The following WDPCP variants were observed in gnomAD, a reference collection of about 807,000 sequenced individuals.
The protein encoded by WDPCP is WD repeat-containing and planar cell polarity effector protein fritz homolog.
WDPCP carries 71 observed loss-of-function variants against 93.1 expected under a neutral mutation model. The ratio of observed to expected loss-of-function variants is 0.76; its 90% CI spans 0.63 to 0.93. The LOEUF (loss-of-function observed/expected upper bound fraction) is 0.93, where lower values mean the gene tolerates loss of function less well. Ranked by LOEUF, WDPCP falls within the 40% of genes least tolerant of loss-of-function variation. WDPCP has a pLI of 0.00. For missense variants in WDPCP, 844 were observed against 887.4 expected, an observed-to-expected ratio of 0.95 and a Z score of 0.62; for synonymous variants, 315 against 315.0, an observed-to-expected ratio of 1.00 and a Z score of 0.00.
chr2:63,381,171 A>G (rs1019481964), intron 11 of WDPCP, among the ~76,000 whole-genome samples: 1 of 152,200 alleles, frequency 6.6e-6, no homozygotes, highest in Non-Finnish European at 1.5e-5. Flanking sequence ...TGCATTGTAC[A>G]TTAAGTAAAT....
At chr2:63,533,055 C>T (rs1194145895) in intron 1 of WDPCP, among the ~76,000 whole-genome samples, 1 of 152,124 alleles carries the variant, frequency 6.6e-6, no homozygotes, top group East Asian at 1.9e-4. Flanking sequence ...GCAGGGGTTG[C>T]AATCCTAGTC....
chr2:63,126,670 T>TC (rs1422080783), intron 17 of WDPCP, among the ~76,000 whole-genome samples: 1 of 147,132 alleles, frequency 6.8e-6, no homozygotes, highest in East Asian at 1.9e-4. Flanking sequence ...TTTTGTGTTT[T>TC]TTTTTTTTTT....
At chr2:63,693,636 C>T (rs1270723380) in intron 2 of WDPCP, among the ~76,000 whole-genome samples, 1 of 151,976 alleles carries the variant, frequency 6.6e-6, no homozygotes, top group African/African-American at 2.4e-5. Context: ...AGAACAGACC[C>T]CCAAGGCGGG....
At chr2:63,637,278 G>T (rs1205009699) in intron 3 of WDPCP, among the ~76,000 whole-genome samples, 1 of 151,866 alleles carries the variant, frequency 6.6e-6, no homozygotes, top group African/African-American at 2.4e-5. Flanking sequence ...CTTAAACCTG[G>T]GAGATGGGGG....
intron 12 of WDPCP, among the ~76,000 whole-genome samples, chr2:63,341,249 C>T (rs1688813152): frequency 6.6e-6 from 1 of 152,180 alleles, no homozygotes; most frequent in South Asian, 2.1e-4. Context: ...CTGCCTCAGC[C>T]TCCTGAGTAG....
chr2:63,315,266 T>C (rs2103994471), intron 12 of WDPCP, among the ~76,000 whole-genome samples: 1 of 152,248 alleles, frequency 6.6e-6, no homozygotes, highest in African/African-American at 2.4e-5. Flanking sequence ...GAGATAAGCC[T>C]GAACAAAACT....
At chr2:63,790,683 C>T (rs998927943) in intron 2 of WDPCP, among the ~76,000 whole-genome samples, 7 of 152,088 alleles carry the variant, frequency 4.6e-5, no homozygotes, top group Non-Finnish European at 7.4e-5. Flanking sequence ...TGGAGCCAAG[C>T]GAGAACTAAC....
At chr2:63,145,553 C>T (rs552658975) in intron 17 of WDPCP, among the ~76,000 whole-genome samples, 1 of 152,230 alleles carries the variant, frequency 6.6e-6, no homozygotes, top group South Asian at 2.1e-4. Flanking sequence ...CCGGCAGTCA[C>T]TGGCCTCACC....
intron 3 of WDPCP, chr2:63,607,255 G>A (rs781011294): frequency 3.7e-5 from 8 of 214,418 alleles, no homozygotes; most frequent in Non-Finnish European, 5.6e-5. Flanking sequence ...GCAAACTTGC[G>A]GACAGGCGCA....
chr2:63,131,704 G>C (rs1670303504), intron 17 of WDPCP, among the ~76,000 whole-genome samples: 1 of 151,680 alleles, frequency 6.6e-6, no homozygotes, highest in Admixed American at 6.6e-5. Context: ...GTATCTTTTT[G>C]CTTCAATTTG....
At chr2:63,808,870 C>T (rs912367348) in intron 2 of WDPCP, among the ~76,000 whole-genome samples, 8 of 151,658 alleles carry the variant, frequency 5.3e-5, no homozygotes, top group African/African-American at 1.9e-4. Context: ...CGTCTCTGCC[C>T]GGCCGCCATC....
At chr2:63,247,718 T>C (rs11125955) in intron 14 of WDPCP, among the ~76,000 whole-genome samples, 77,699 of 149,206 alleles carry the variant, frequency 0.52, 23,683 homozygotes, top group Non-Finnish European at 0.68. Flanking sequence ...AAATCCAAAA[T>C]ACTTCTGGTA....
At position 63,622,820 on chromosome 2, in the gene WDPCP, A is replaced by G. The variant is rs527809048; in HGVS notation, n.488+27839T>C. ...TCCGGAGCACGCTCTGGCCCAGGAA[A>G]TACTTAACCATCGTCCTGGCCGAAG... On this transcript the variant is annotated intron_variant and non_coding_transcript_variant, in intron 3 of 4. Transcript: ENST00000467687. The G allele has an allele frequency of 3.7e-5, 60 of 1,610,400 alleles. 1 individual carries two copies. In the South Asian group the frequency reaches 6.3e-4, roughly 17 times the overall value.
At chr2:63,715,446 T>C (rs1037454279) in intron 2 of WDPCP, among the ~76,000 whole-genome samples, 1 of 152,164 alleles carries the variant, frequency 6.6e-6, no homozygotes, top group African/African-American at 2.4e-5. Context: ...TTCCTTACAA[T>C]GAGAAGCTAC....
At chr2:63,577,540 TATC>T (rs1708199939) in intron 1 of WDPCP, among the ~76,000 whole-genome samples, 2 of 152,162 alleles carry the variant, frequency 1.3e-5, no homozygotes, top group South Asian at 4.1e-4. Flanking sequence ...AAAAGTAACA[TATC>T]ATTAAAGGAT....
intron 3 of WDPCP, among the ~76,000 whole-genome samples, chr2:63,619,289 T>C (rs1709706692): frequency 2.0e-5 from 3 of 152,214 alleles, no homozygotes. Flanking sequence ...CAGCTTCCTT[T>C]TAAAAGATTT....
intron 2 of WDPCP, among the ~76,000 whole-genome samples, chr2:63,723,683 T>G (rs983470367): frequency 6.6e-6 from 1 of 152,270 alleles, no homozygotes; most frequent in African/African-American, 2.4e-5. Context: ...TGCTGATGAG[T>G]GACACCTCTG....
At chr2:63,353,135 C>T (rs1247534390) in intron 12 of WDPCP, among the ~76,000 whole-genome samples, 1 of 152,136 alleles carries the variant, frequency 6.6e-6, no homozygotes, top group Non-Finnish European at 1.5e-5. Context: ...GATTCTCCTA[C>T]AGATCTTTGC....
At chr2:63,695,131 TATGA>T (rs1668946483) in intron 2 of WDPCP, among the ~76,000 whole-genome samples, 1 of 152,168 alleles carries the variant, frequency 6.6e-6, no homozygotes, top group Admixed American at 6.5e-5. Context: ...TTTTCATTGA[TATGA>T]ATGTGGGAAT....
Sources: allele counts gnomAD v4.1 joint callset (sites outside exome capture counted in the v4.1 genomes callset), GRCh38; gene constraint gnomAD v4.1.1; transcripts MANE v1.5; gene names NCBI Gene and HGNC (gene_info 2026-07-23, HGNC 2026-07-21).